CLYBL: variants seen among roughly 807,000 people sequenced by gnomAD.
The protein encoded by CLYBL is citramalyl-CoA lyase, also known as citramalyl-CoA lyase, mitochondrial.
A neutral mutation model predicts 38.9 loss-of-function variants in CLYBL; 31 were observed. The observed-to-expected ratio is 0.80, with a 90% CI of 0.60 to 1.08. The LOEUF (loss-of-function observed/expected upper bound fraction) is 1.08. Among genes scored for constraint, CLYBL ranks in the 50% least tolerant of loss-of-function variants. The probability of loss-of-function intolerance (pLI) is 0.00; values close to 1 mark genes in which losing one functional copy is unlikely to be tolerated. For missense variants in CLYBL, 434 were observed against 411.6 expected, an observed-to-expected ratio of 1.05 and a Z score of -0.47; for synonymous variants, 171 against 158.6, an observed-to-expected ratio of 1.08 and a Z score of -0.59.
chr13:99,688,414 A>G (rs1313848460), intron 1 of CLYBL, among the ~76,000 whole-genome samples: 1 of 152,202 alleles, frequency 6.6e-6, no homozygotes, highest in Non-Finnish European at 1.5e-5. Flanking sequence ...CTGTGATTTC[A>G]TATACTTTGT....
intron 1 of CLYBL, among the ~76,000 whole-genome samples, chr13:99,667,905 C>T (rs1422445929): frequency 6.6e-6 from 1 of 152,070 alleles, no homozygotes; most frequent in Non-Finnish European, 1.5e-5. Context: ...AAGGTTTGCC[C>T]ATCATTTTTT....
intron 1 of CLYBL, among the ~76,000 whole-genome samples, chr13:99,681,338 G>A (rs2047731528): frequency 6.6e-6 from 1 of 151,978 alleles, no homozygotes. Context: ...AGAGTATAGG[G>A]GCACAATGAA....
At chr13:99,715,203 A>G (rs908154881) in intron 1 of CLYBL, among the ~76,000 whole-genome samples, 3 of 152,082 alleles carry the variant, frequency 2.0e-5, no homozygotes, top group East Asian at 1.9e-4. Context: ...CTAGGAGGCA[A>G]CTGGGGAATT....
intron 2 of CLYBL, among the ~76,000 whole-genome samples, chr13:99,813,074 A>C (rs992438990): frequency 6.6e-6 from 1 of 152,220 alleles, no homozygotes; most frequent in Non-Finnish European, 1.5e-5. Context: ...TGGAATAGTT[A>C]GAAACACCAT....
intron 1 of CLYBL, among the ~76,000 whole-genome samples, chr13:99,678,441 T>C (rs1382627990): frequency 1.3e-5 from 2 of 152,242 alleles, no homozygotes; most frequent in African/African-American, 4.8e-5. Context: ...TGCTGAAATC[T>C]GCTCTTGGTC....
downstream of CLYBL, among the ~76,000 whole-genome samples, chr13:99,897,945 A>AAAAGAAAGAAAG (rs113879061): frequency 1.3e-5 from 2 of 151,942 alleles, no homozygotes; most frequent in African/African-American, 4.8e-5. Flanking sequence ...CGTCTCAAAA[A>AAAAGAAAGAAAG]AAAGAAAGAA....
intron 1 of CLYBL, among the ~76,000 whole-genome samples, chr13:99,695,214 C>A (rs1423612224): frequency 1.3e-5 from 2 of 152,094 alleles, no homozygotes; most frequent in African/African-American, 2.4e-5. Context: ...TCACTGGGTC[C>A]CTTTCTGCTG....
chr13:99,824,257 G>GTC (rs2050645839), intron 2 of CLYBL, among the ~76,000 whole-genome samples: 2 of 130,414 alleles, frequency 1.5e-5, no homozygotes, highest in Non-Finnish European at 3.2e-5. Context: ...CTGACTAATA[G>GTC]CCCCCCCCAC....
chr13:99,762,576 G>C (rs1382251488), intron 1 of CLYBL, among the ~76,000 whole-genome samples: 1 of 152,186 alleles, frequency 6.6e-6, no homozygotes, highest in East Asian at 1.9e-4. Context: ...TAATAACTTT[G>C]TAGTAAATTT....
At chr13:99,866,873 CT>C (rs995240933) in intron 6 of CLYBL, among the ~76,000 whole-genome samples, 5 of 152,000 alleles carry the variant, frequency 3.3e-5, no homozygotes, top group Admixed American at 1.3e-4. Flanking sequence ...GTTTTTTGCT[CT>C]TCTGCCACTC....
At chr13:99,864,211 C>T (rs2051682335) in intron 4 of CLYBL, among the ~76,000 whole-genome samples, 1 of 152,182 alleles carries the variant, frequency 6.6e-6, no homozygotes, top group African/African-American at 2.4e-5. Context: ...CTTTCCCACC[C>T]ACGTATATTA....
At chr13:99,847,889 G>T (rs1205679826) in intron 2 of CLYBL, among the ~76,000 whole-genome samples, 1 of 152,134 alleles carries the variant, frequency 6.6e-6, no homozygotes, top group African/African-American at 2.4e-5. Context: ...CTCCCCAATG[G>T]AACGGAGCGT....
chr13:99,872,657 C>T (rs973250031), intron 7 of CLYBL, among the ~76,000 whole-genome samples: 8 of 152,162 alleles, frequency 5.3e-5, no homozygotes, highest in Non-Finnish European at 1.0e-4. Flanking sequence ...CCAGTCTGGG[C>T]CAGCACTGTG....
At chr13:99,651,939 A>G (rs1187075325) in intron 1 of CLYBL, among the ~76,000 whole-genome samples, 1 of 151,278 alleles carries the variant, frequency 6.6e-6, no homozygotes, top group Non-Finnish European at 1.5e-5. Context: ...CTTGGGGGGA[A>G]AAAAAGATTC....
At chr13:99,729,661 A>G (rs2048545118) in intron 1 of CLYBL, among the ~76,000 whole-genome samples, 1 of 152,170 alleles carries the variant, frequency 6.6e-6, no homozygotes, top group African/African-American at 2.4e-5. Flanking sequence ...GCAGTCACTG[A>G]AAAATTCTTT....
chr13:99,906,292 A>G (rs1464860691), intron 9 of CLYBL, among the ~76,000 whole-genome samples: 1 of 152,214 alleles, frequency 6.6e-6, no homozygotes, highest in Non-Finnish European at 1.5e-5. Flanking sequence ...GACATTTAAA[A>G]GTTTTCAAAT....
At chr13:99,819,416 T>TTATATATATA (rs71715024) in intron 2 of CLYBL, among the ~76,000 whole-genome samples, 194 of 18,270 alleles carry the variant, frequency 0.011, 4 homozygotes, top group Admixed American at 0.014. Flanking sequence ...GGGAAAAAAT[T>TTATATATATA]TATATATATA....
chr13:99,643,003 C>T, intron 1 of CLYBL: 1 of 153,916 alleles, frequency 6.5e-6, no homozygotes, highest in Middle Eastern at 9.6e-4. Context: ...AGCTCAACTG[C>T]TTGCTGGGTG....
intron 2 of CLYBL, among the ~76,000 whole-genome samples, chr13:99,858,038 T>A (rs963157467): frequency 5.3e-5 from 8 of 152,148 alleles, no homozygotes; most frequent in African/African-American, 1.7e-4. Flanking sequence ...CCTCACCCTT[T>A]CCATGCACTT....
Sources: gnomAD v4.1 joint callset for allele counts (sites outside exome capture counted in the v4.1 genomes callset) on GRCh38, gnomAD v4.1.1 for gene constraint, MANE v1.5 for transcripts, NCBI Gene and HGNC (gene_info 2026-07-23, HGNC 2026-07-21) for gene names.